DLG2: variants seen among roughly 807,000 people sequenced by gnomAD.
DLG2 encodes the protein discs large MAGUK scaffold protein 2.
Under a neutral mutation model 132.5 loss-of-function variants are expected in DLG2, and 45 were observed. The ratio of observed to expected loss-of-function variants is 0.34; its 90% CI spans 0.27 to 0.44. The LOEUF (loss-of-function observed/expected upper bound fraction) is 0.44. Ranked by LOEUF, DLG2 falls within the 20% of genes least tolerant of loss-of-function variation. The pLI is 1.00. For missense variants in DLG2, 1,045 were observed against 1,196.9 expected, an observed-to-expected ratio of 0.87 and a Z score of 1.87; for synonymous variants, 424 against 419.6, an observed-to-expected ratio of 1.01 and a Z score of -0.13.
chr11:85,143,521 G>T (rs1178308697), intron 5 of DLG2, among the ~76,000 whole-genome samples: 1 of 151,448 alleles, frequency 6.6e-6, no homozygotes, highest in Non-Finnish European at 1.5e-5. Context: ...TGTATCATTA[G>T]GTTATTTATT....
In DLG2 at chr11:83,724,474, T is replaced by TGAGAGA. The variant is rs780541498; in HGVS notation, c.1825+62215_1825+62216insTCTCTC. On this transcript the variant is annotated intron_variant, in intron 18 of 27. Transcript: ENST00000376104. ...CTCTCTCTCCGTGTGTGTGTGTGTG[T>TGAGAGA]GTGAGAGAGAGAGAGAGAGAGAGAG... Among the ~76,000 whole-genome samples the TGAGAGA allele has an allele frequency of 5.7e-3, 589 of 103,384 alleles. 3 individuals carry two copies. Among genetic ancestry groups the TGAGAGA allele is most frequent in the South Asian group, 7.3e-3 (19 of 2,620 alleles). The allele number at this position is 103,384 out of a possible 152,430, so 67.8% of individuals were successfully genotyped here.
chr11:85,122,977 T>G (rs1274983330), intron 5 of DLG2, among the ~76,000 whole-genome samples: 2 of 63,668 alleles, frequency 3.1e-5, no homozygotes, highest in Non-Finnish European at 5.7e-5. Flanking sequence ...ATATTTTTTT[T>G]TTTTTTTTTT....
chr11:85,400,402 TACCATTTG>T (rs2087932662), intron 3 of DLG2, among the ~76,000 whole-genome samples: 1 of 138,012 alleles, frequency 7.2e-6, no homozygotes, highest in Admixed American at 7.4e-5. Context: ...GAACTAGAAA[TACCATTTG>T]ACCCAGCCAT....
At chr11:83,835,464 C>T (rs923415365) in intron 16 of DLG2, among the ~76,000 whole-genome samples, 2 of 151,894 alleles carry the variant, frequency 1.3e-5, no homozygotes, top group Non-Finnish European at 2.9e-5. Context: ...CTAGTCATGT[C>T]GCTATAAAAA....
At chr11:84,064,587 C>T (rs1177499302) in intron 10 of DLG2, among the ~76,000 whole-genome samples, 1 of 152,010 alleles carries the variant, frequency 6.6e-6, no homozygotes, top group East Asian at 1.9e-4. Context: ...TGAGAGAATG[C>T]ATGTGAAATA....
chr11:85,591,721 G>A (rs971269539), intron 3 of DLG2, among the ~76,000 whole-genome samples: 5 of 152,268 alleles, frequency 3.3e-5, no homozygotes, highest in South Asian at 2.1e-4. Flanking sequence ...CAGCCTGGGT[G>A]ACAGAGCTAG....
intron 6 of DLG2, among the ~76,000 whole-genome samples, chr11:84,538,606 T>C (rs1185676990): frequency 2.6e-5 from 4 of 152,112 alleles, no homozygotes; most frequent in Non-Finnish European, 1.5e-5. Context: ...ATGTTTTTTT[T>C]TTTTCTTGGA....
At chr11:83,623,555 C>T (rs1205127399) in intron 19 of DLG2, among the ~76,000 whole-genome samples, 1 of 152,180 alleles carries the variant, frequency 6.6e-6, no homozygotes, top group African/African-American at 2.4e-5. Context: ...CACGTGAAGC[C>T]TGGAGGAGAG....
intron 6 of DLG2, among the ~76,000 whole-genome samples, chr11:84,613,163 G>A (rs1350458053): frequency 6.6e-6 from 1 of 152,054 alleles, no homozygotes; most frequent in Non-Finnish European, 1.5e-5. Flanking sequence ...CAGGACAACG[G>A]CTCTCTCTTG....
At chr11:84,282,084 T>C (rs925047526) in intron 7 of DLG2, among the ~76,000 whole-genome samples, 2 of 152,224 alleles carry the variant, frequency 1.3e-5, no homozygotes, top group Non-Finnish European at 2.9e-5. Flanking sequence ...ATAGTAGCTT[T>C]ATCTGTAATA....
At chr11:83,989,304 T>C (rs2449599) in intron 11 of DLG2, among the ~76,000 whole-genome samples, 21,588 of 152,120 alleles carry the variant, frequency 0.14, 1,930 homozygotes, top group East Asian at 0.31. Flanking sequence ...CACTTTCTGA[T>C]TCTTTCGTCT....
At chr11:85,583,078 A>T (rs1292429724) in intron 3 of DLG2, among the ~76,000 whole-genome samples, 24 of 117,740 alleles carry the variant, frequency 2.0e-4, no homozygotes, top group Non-Finnish European at 1.2e-4. Flanking sequence ...ATATATATAT[A>T]ATATATGTGA....
rs956310012 is a variant in DLG2 at position 85,110,430 on chromosome 11, C to T, written c.357+1231G>A. ...AAAACTCTGTCTCAAAAATAAAAACCAAAACCAAAAACAGAAAAACCACAT... is the reference window on the plus strand; with the variant it reads ...AAAACTCTGTCTCAAAAATAAAAACTAAAACCAAAAACAGAAAAACCACAT... On this transcript the variant is annotated intron_variant, in intron 6 of 27. Transcript: ENST00000376104. Among the ~76,000 whole-genome samples, 3 of 151,694 alleles carry T rather than the reference C, an allele frequency of 2.0e-5. No homozygotes were observed. The East Asian group carries it at 5.8e-4, about 29-fold the overall frequency.
intron 8 of DLG2, among the ~76,000 whole-genome samples, chr11:84,197,695 A>G (rs889901616): frequency 2.6e-5 from 4 of 152,244 alleles, no homozygotes; most frequent in Admixed American, 6.5e-5. Flanking sequence ...TGTTGACAAC[A>G]AAGCGTGGCA....
At chr11:84,302,725 A>T (rs2098169803) in intron 7 of DLG2, among the ~76,000 whole-genome samples, 1 of 152,200 alleles carries the variant, frequency 6.6e-6, no homozygotes, top group African/African-American at 2.4e-5. Context: ...TTGTTTTTTA[A>T]GTAGCTAAAA....
chr11:84,635,377 G>C (rs2099638928), intron 6 of DLG2, among the ~76,000 whole-genome samples: 1 of 152,008 alleles, frequency 6.6e-6, no homozygotes, highest in African/African-American at 2.4e-5. Context: ...TGTCTACTGT[G>C]GTCTTAATTT....
chr11:84,067,655 C>T (rs949248643), intron 10 of DLG2, among the ~76,000 whole-genome samples: 4 of 152,032 alleles, frequency 2.6e-5, no homozygotes, highest in African/African-American at 9.7e-5. Context: ...TTATGTCTGC[C>T]TGTTATCTCA....
intron 10 of DLG2, among the ~76,000 whole-genome samples, chr11:84,072,467 G>C (rs896690814): frequency 6.6e-6 from 1 of 152,186 alleles, no homozygotes; most frequent in African/African-American, 2.4e-5. Flanking sequence ...GAGAAATACA[G>C]GGTAATGCAG....
intron 15 of DLG2, among the ~76,000 whole-genome samples, chr11:83,883,675 C>G (rs181344534): frequency 6.6e-6 from 1 of 152,102 alleles, no homozygotes; most frequent in Non-Finnish European, 1.5e-5. Flanking sequence ...TTTAACACAG[C>G]GGGCATATTC....
Sources: gnomAD v4.1 joint callset for allele counts (sites outside exome capture counted in the v4.1 genomes callset) on GRCh38, gnomAD v4.1.1 for gene constraint, MANE v1.5 for transcripts, NCBI Gene and HGNC (gene_info 2026-07-23, HGNC 2026-07-21) for gene names.